The following CLASP2 variants were observed in gnomAD, a reference collection of about 807,000 sequenced individuals.
CLASP2 encodes CLIP-associating protein 2.
A neutral mutation model predicts 194.4 loss-of-function variants in CLASP2; 47 were observed. The observed-to-expected ratio is 0.24, with a 90% CI of 0.19 to 0.31. CLASP2 has a LOEUF of 0.31. Among genes scored for constraint, CLASP2 ranks in the 10% least tolerant of loss-of-function variants. The pLI, the probability that CLASP2 is intolerant of heterozygous loss-of-function variation, is 1.00. For missense variants in CLASP2, 1,445 were observed against 1,823.6 expected, an observed-to-expected ratio of 0.79 and a Z score of 3.78; for synonymous variants, 619 against 633.5, an observed-to-expected ratio of 0.98 and a Z score of 0.34.
intron 21 of CLASP2, among the ~76,000 whole-genome samples, chr3:33,589,415 C>G (rs2068166639): frequency 6.6e-6 from 1 of 151,900 alleles, no homozygotes; most frequent in Non-Finnish European, 1.5e-5. Context: ...ACCATGCAAG[C>G]CCTAATGAAT....
Position 33,559,098 on chromosome 3 carries a change from T to G in CLASP2, c.3009+209A>C, listed in dbSNP as rs144129307. On this transcript the variant is annotated intron_variant, in intron 29 of 38. Coordinates refer to ENST00000682230, the MANE Select transcript of CLASP2 (RefSeq NM_001365631.1). ...TGCAGAGAGTTAAGAAAAGAAATAA[T>G]GCAGATGAAAACAAAAACAATAAAA... The G allele has an allele frequency of 3.1e-3, 2,053 of 661,674 alleles. 34 individuals carry two copies. Among genetic ancestry groups the G allele is most frequent in the African/African-American group, 0.029 (1,615 of 55,886 alleles). 41.0% of individuals were successfully genotyped at this position (661,674 alleles called of 1,614,324 possible).
intron 8 of CLASP2, among the ~76,000 whole-genome samples, chr3:33,643,451 A>G (rs892306576): frequency 2.6e-5 from 4 of 151,924 alleles, no homozygotes; most frequent in African/African-American, 7.2e-5. Flanking sequence ...CATAAAAACT[A>G]TCTTCTAATG....
chr3:33,709,759 G>A (rs766681763), intron 1 of CLASP2, among the ~76,000 whole-genome samples: 29 of 152,130 alleles, frequency 1.9e-4, no homozygotes, highest in Non-Finnish European at 3.7e-4. Context: ...AAGTGTATAA[G>A]CTAGTAAGTG....
intron 37 of CLASP2, among the ~76,000 whole-genome samples, chr3:33,509,726 G>A (rs140282092): frequency 1.1e-4 from 16 of 152,222 alleles, no homozygotes; most frequent in African/African-American, 3.4e-4. Flanking sequence ...ATTATTTATT[G>A]GATGGAAAGA....
At chr3:33,686,687 C>A (rs1369884384) in intron 5 of CLASP2, among the ~76,000 whole-genome samples, 1 of 152,120 alleles carries the variant, frequency 6.6e-6, no homozygotes, top group Non-Finnish European at 1.5e-5. Context: ...AGGGTTCTTA[C>A]AATTGCAAAA....
chr3:33,666,704 A>C (rs752863453), intron 6 of CLASP2, among the ~76,000 whole-genome samples: 3 of 152,166 alleles, frequency 2.0e-5, no homozygotes, highest in African/African-American at 4.8e-5. Flanking sequence ...GAATGTTTTC[A>C]TATCACTTGC....
chr3:33,564,143 A>AT (rs1223337413), intron 27 of CLASP2, among the ~76,000 whole-genome samples: 1 of 152,206 alleles, frequency 6.6e-6, no homozygotes. Context: ...AATAAAGACT[A>AT]TATTTTTATA....
chr3:33,709,428 T>C (rs1161599684), intron 1 of CLASP2, among the ~76,000 whole-genome samples: 2 of 152,176 alleles, frequency 1.3e-5, no homozygotes, highest in East Asian at 3.8e-4. Context: ...TGACTATATA[T>C]GTGTGGATTT....
At chr3:33,601,724 G>A (rs2072262388) in intron 18 of CLASP2, among the ~76,000 whole-genome samples, 1 of 152,078 alleles carries the variant, frequency 6.6e-6, no homozygotes, top group African/African-American at 2.4e-5. Flanking sequence ...TCTATATGGT[G>A]TGTAACATGG....
intron 11 of CLASP2, among the ~76,000 whole-genome samples, 200 bp downstream of exon 11, chr3:33,621,935 C>G (rs2077179464): frequency 6.6e-6 from 1 of 151,824 alleles, no homozygotes; most frequent in African/African-American, 2.4e-5. Flanking sequence ...ATCTGTATAC[C>G]AACCTTAAAA....
chr3:33,649,003 C>T (rs554639472), intron 7 of CLASP2, among the ~76,000 whole-genome samples: 1 of 152,314 alleles, frequency 6.6e-6, no homozygotes, highest in Admixed American at 6.5e-5. Context: ...AAAAGGTCTA[C>T]CAGAACTCTA....
intron 30 of CLASP2, among the ~76,000 whole-genome samples, chr3:33,548,340 C>G (rs887284563): frequency 6.6e-6 from 1 of 151,726 alleles, no homozygotes; most frequent in Non-Finnish European, 1.5e-5. Context: ...CTCTGTTGCC[C>G]GGGCTGGAGT....
intron 1 of CLASP2, among the ~76,000 whole-genome samples, chr3:33,701,761 T>G (rs2092391287): frequency 6.6e-6 from 1 of 152,196 alleles, no homozygotes; most frequent in African/African-American, 2.4e-5. Context: ...GATATCCATG[T>G]GCAAAATAAA....
At chr3:33,518,123 T>A (rs1158724924) in intron 34 of CLASP2, among the ~76,000 whole-genome samples, 2 of 152,228 alleles carry the variant, frequency 1.3e-5, no homozygotes, top group African/African-American at 2.4e-5. Context: ...TACAGTTTTA[T>A]AGAAAAAGCA....
At position 33,718,076 on chromosome 3, in the gene CLASP2, G is replaced by A. The variant is rs1276645706; in HGVS notation, c.-74C>T. The A allele has an allele frequency of 2.2e-6, 3 of 1,392,522 alleles. No homozygotes were observed. Among genetic ancestry groups the A allele is most frequent in the African/African-American group, 1.5e-5 (1 of 65,522 alleles). 86.3% of individuals were successfully genotyped at this position (1,392,522 alleles called of 1,614,324 possible). On this transcript the variant is annotated 5_prime_UTR_variant, in exon 1 of 39. Coordinates refer to ENST00000682230, the MANE Select transcript of CLASP2 (RefSeq NM_001365631.1). Reference sequence around the variant, plus strand: ...CCGAGAGCCGCCCAGCCTCCAGTGCGGGTCCCCGCGGGAGCGGGCGGGACT... The same window carrying A: ...CCGAGAGCCGCCCAGCCTCCAGTGCAGGTCCCCGCGGGAGCGGGCGGGACT...
At chr3:33,532,883 T>C (rs1349626397) in intron 34 of CLASP2, among the ~76,000 whole-genome samples, 1 of 152,140 alleles carries the variant, frequency 6.6e-6, no homozygotes, top group Non-Finnish European at 1.5e-5. Flanking sequence ...GAGTATTTTG[T>C]TGTTATGCAG....
rs1575846650 is a variant in CLASP2, at chr3:33,718,180, C to G, written c.-178G>C. On this transcript the variant is annotated 5_prime_UTR_variant, in exon 1 of 39. Transcript: ENST00000682230. ...CGCCAAGCGCCCAGCCGCCCCCAAA[C>G]TAGTCAAACTCGGCGCCCCCCGATC... 6.4e-6 allele frequency: 3 copies of G among 467,992 alleles called. No individual in the cohort carries two copies. The highest frequency in any genetic ancestry group is 4.7e-5 in the South Asian group (1 of 21,416). 29.0% of individuals were successfully genotyped at this position (467,992 alleles called of 1,614,324 possible).
chr3:33,602,648 C>T, intron 18 of CLASP2: 3 of 717,772 alleles, frequency 4.2e-6, no homozygotes, highest in Non-Finnish European at 7.6e-6. Flanking sequence ...CAAGCCAATT[C>T]CCTTCCCAAA....
At chr3:33,518,695 A>G (rs2154104623) in intron 34 of CLASP2, among the ~76,000 whole-genome samples, 1 of 152,362 alleles carries the variant, frequency 6.6e-6, no homozygotes, top group South Asian at 2.1e-4. Context: ...AATGTGATTC[A>G]CAAGAAAATG....
Sources: allele counts gnomAD v4.1 joint callset (sites outside exome capture counted in the v4.1 genomes callset), GRCh38; gene constraint gnomAD v4.1.1; transcripts MANE v1.5; gene names NCBI Gene and HGNC (gene_info 2026-07-23, HGNC 2026-07-21).